HAO1: variants seen among roughly 807,000 people sequenced by gnomAD.
HAO1 encodes the protein 2-Hydroxyacid oxidase 1.
Under a neutral mutation model 39.7 loss-of-function variants are expected in HAO1, and 34 were observed. The observed-to-expected ratio is 0.86, with a 90% CI of 0.65 to 1.14. The LOEUF is 1.14. HAO1 is among the 50% of genes most tolerant of loss of function. HAO1 has a pLI of 0.00. For synonymous variants in HAO1, 172 were observed against 173.2 expected (o/e 0.99, Z 0.05); for missense variants, 479 against 464.5 (o/e 1.03, Z -0.29).
chr20:7,930,623 C>G (rs2050381439), intron 2 of HAO1, among the ~76,000 whole-genome samples: 1 of 152,152 alleles, frequency 6.6e-6, no homozygotes, highest in African/African-American at 2.4e-5. Context: ...AGGGTGTGTT[C>G]ATGGGCAGGC....
At chr20:7,924,468 C>T (rs941257409) in intron 2 of HAO1, among the ~76,000 whole-genome samples, 1 of 152,084 alleles carries the variant, frequency 6.6e-6, no homozygotes, top group South Asian at 2.1e-4. Flanking sequence ...GTTTATCATG[C>T]TGGGCTTGAT....
chr20:7,930,835 G>C (rs1568520519), intron 2 of HAO1, among the ~76,000 whole-genome samples: 1 of 152,082 alleles, frequency 6.6e-6, no homozygotes, highest in African/African-American at 2.4e-5. Context: ...ATAATGTCAG[G>C]CAAAAAGTGG....
intron 5 of HAO1, among the ~76,000 whole-genome samples, chr20:7,889,368 A>C (rs1417109795): frequency 6.6e-6 from 1 of 152,128 alleles, no homozygotes; most frequent in East Asian, 1.9e-4. Context: ...AAAATGAAAA[A>C]TTGAAAAAAA....
chr20:7,909,810 C>G (rs750848900), intron 3 of HAO1, among the ~76,000 whole-genome samples: 4 of 151,904 alleles, frequency 2.6e-5, no homozygotes, highest in Admixed American at 1.3e-4. Context: ...ATAACATGAC[C>G]AGTAGAAGCT....
In HAO1 at chr20:7,901,374, G is replaced by A. The variant is rs909180036; in HGVS notation, c.721+4780C>T. Among the ~76,000 whole-genome samples, 6 of 152,226 alleles carry A rather than the reference G, an allele frequency of 3.9e-5. No homozygotes were observed. The East Asian group carries it at 1.2e-3, about 30-fold the overall frequency. On this transcript the variant is annotated intron_variant, in intron 4 of 7. Coordinates refer to ENST00000378789, the MANE Select transcript of HAO1 (RefSeq NM_017545.3). ...ATCTAGGACTTTCATAGCTAGAGAG[G>A]AGAAGTCTATTCATGGCTGCAAATA...
chr20:7,891,747 C>T (rs566843311), intron 5 of HAO1, among the ~76,000 whole-genome samples: 38 of 152,256 alleles, frequency 2.5e-4, no homozygotes, highest in Admixed American at 7.8e-4. Flanking sequence ...TAGACGTGTC[C>T]ATATTCTCTC....
intron 7 of HAO1, among the ~76,000 whole-genome samples, chr20:7,884,336 G>C (rs557157889): frequency 3.7e-4 from 57 of 152,212 alleles, no homozygotes; most frequent in African/African-American, 1.2e-3. Context: ...AGGGGAAACA[G>C]ACAATATATA....
intron 2 of HAO1, among the ~76,000 whole-genome samples, chr20:7,931,145 A>G (rs7266916): frequency 0.15 from 22,895 of 152,132 alleles, 2,040 homozygotes; most frequent in South Asian, 0.36. Context: ...ATAGGAACCC[A>G]ATGGAGGACC....
At chr20:7,897,631 G>A (rs1004159453) in intron 4 of HAO1, among the ~76,000 whole-genome samples, 1 of 151,674 alleles carries the variant, frequency 6.6e-6, no homozygotes, top group Non-Finnish European at 1.5e-5. Flanking sequence ...TAATCATTGG[G>A]AACTCTTCTT....
chr20:7,926,332 A>G (rs1055178811), intron 2 of HAO1, among the ~76,000 whole-genome samples: 1 of 152,122 alleles, frequency 6.6e-6, no homozygotes, highest in African/African-American at 2.4e-5. Context: ...CATGACAGGC[A>G]CTCCACTTCA....
At chr20:7,915,774 A>G (rs1483462834) in intron 2 of HAO1, among the ~76,000 whole-genome samples, 1 of 152,222 alleles carries the variant, frequency 6.6e-6, no homozygotes, top group Non-Finnish European at 1.5e-5. Context: ...TTAAGGAAAG[A>G]AAAAAGTTTA....
intron 7 of HAO1, among the ~76,000 whole-genome samples, chr20:7,885,140 T>G (rs1466665422): frequency 6.6e-6 from 1 of 152,168 alleles, no homozygotes; most frequent in African/African-American, 2.4e-5. Flanking sequence ...GGAGCAGGTT[T>G]AACGTGGAAA....
In HAO1 at chr20:7,895,244, C is replaced by A. The variant is rs748542481; in HGVS notation, c.722-20G>T. 6.7e-7 allele frequency: 1 copy of A among 1,503,734 alleles called. No individual in the cohort carries two copies. Among genetic ancestry groups the A allele is most frequent in the African/African-American group, 1.4e-5 (1 of 72,912 alleles). The allele number at this position is 1,503,734 out of a possible 1,614,324, so 93.1% of individuals were successfully genotyped here. On this transcript the variant is annotated intron_variant, in intron 4 of 7. Coordinates refer to ENST00000378789, the MANE Select transcript of HAO1 (RefSeq NM_017545.3). ...CATCACCTGGAGAGAGTAAAACAAG[C>A]ACCTTAGGGAAACTGTAACTTAACA...
rs138052675 is a variant in HAO1, at chr20:7,934,506, G to C, written c.267C>G (p.Asp89Glu). Residue 89 changes from aspartate (D) to glutamate (E), a missense_variant, in exon 2 of 8, where the codon GAC becomes GAG. Physicochemically the swap from Asp to Glu is conservative, Grantham distance 45 (BLOSUM62 2). Transcript: ENST00000378789. ...ATAMQRMAHVDGELATVRACQ... is the reference protein window; with the variant it reads ...ATAMQRMAHVEGELATVRACQ... The stretch of plus-strand genomic sequence containing the variant: ...TACCTCTCACAGTGGCAAGCTCGCC[G>C]TCCACATGAGCCATGCGCTGCATGG... 1.9e-6 allele frequency: 3 copies of C among 1,611,150 alleles called. No individual in the cohort carries two copies. In the South Asian group the frequency reaches 3.3e-5, roughly 18 times the overall value.
intron 5 of HAO1, among the ~76,000 whole-genome samples, chr20:7,890,888 T>C (rs992872252): frequency 3.3e-5 from 5 of 152,228 alleles, no homozygotes; most frequent in Non-Finnish European, 7.3e-5. Flanking sequence ...CATTCCTTTT[T>C]ATGGCTGAGT....
intron 2 of HAO1, among the ~76,000 whole-genome samples, chr20:7,916,336 T>C (rs1204497878): frequency 1.3e-5 from 2 of 152,222 alleles, no homozygotes; most frequent in Non-Finnish European, 2.9e-5. Context: ...CTTCAAGTCA[T>C]TTGACTCATC....
intron 4 of HAO1, among the ~76,000 whole-genome samples, chr20:7,903,068 C>G (rs1206516146): frequency 6.6e-6 from 1 of 152,170 alleles, no homozygotes; most frequent in African/African-American, 2.4e-5. Context: ...GCATGAGGAC[C>G]TGTGAAATGG....
chr20:7,926,314 A>G (rs920858176), intron 2 of HAO1, among the ~76,000 whole-genome samples: 2 of 152,122 alleles, frequency 1.3e-5, no homozygotes, highest in Non-Finnish European at 2.9e-5. Context: ...CAAGCATTGC[A>G]CCTGATACAT....
intron 2 of HAO1, among the ~76,000 whole-genome samples, chr20:7,917,696 T>A (rs2050313546): frequency 6.6e-6 from 1 of 152,194 alleles, no homozygotes; most frequent in Admixed American, 6.5e-5. Context: ...TGATAGGGCA[T>A]GTTTTTGTAG....
Sources: allele counts gnomAD v4.1 joint callset (sites outside exome capture counted in the v4.1 genomes callset), GRCh38; gene constraint gnomAD v4.1.1; transcripts MANE v1.5; gene names NCBI Gene and HGNC (gene_info 2026-07-23, HGNC 2026-07-21).